The following DDX42 variants were observed in gnomAD, a reference collection of about 807,000 sequenced individuals.
DDX42 encodes DEAD-box helicase 42, also known as ATP-dependent RNA helicase DDX42.
In DDX42, 22 loss-of-function variants were observed where a neutral mutation model predicts 101.5. That is an observed-to-expected ratio of 0.22 (90% CI 0.15 to 0.31). DDX42 has a LOEUF of 0.31. Among genes scored for constraint, DDX42 ranks in the 10% least tolerant of loss-of-function variants. The pLI is 1.00. For synonymous variants in DDX42, 402 were observed against 401.2 expected, an observed-to-expected ratio of 1.00 and a Z score of -0.02; for missense variants, 849 against 1,199.9, an observed-to-expected ratio of 0.71 and a Z score of 4.32.
At chr17:63,804,234 C>G (rs1040246994) in intron 6 of DDX42, among the ~76,000 whole-genome samples, 4 of 151,180 alleles carry the variant, frequency 2.6e-5, no homozygotes, top group African/African-American at 7.3e-5. Flanking sequence ...CACTTGAGCC[C>G]AGGAGTTTGA....
chr17:63,787,143 C>T lies in DDX42; in HGVS notation c.94C>T (p.Pro32Ser), dbSNP rs562648904. The T allele has an allele frequency of 6.2e-7, 1 of 1,614,170 alleles. No individual in the cohort carries two copies. Among genetic ancestry groups the T allele is most frequent in the Non-Finnish European group, 8.5e-7 (1 of 1,180,044 alleles). ...SAGKKEEPKL[P>S]QQSHSAFGAT... ...TGGGAAAAAGGAGGAACCCAAACTC[C>T]CACAGCAGTCCCACAGTGCCTTTGG... Residue 32 changes from proline to serine, a missense_variant, in exon 2 of 18, where the codon CCA becomes TCA. This residue lies in a region of DDX42 where 92 missense variants were observed against 106.7 expected (regional missense o/e 0.86). Coordinates refer to ENST00000389924, the MANE Select transcript of DDX42 (RefSeq NM_203499.3).
At chr17:63,809,131 G>A (rs1246737943) in intron 10 of DDX42, among the ~76,000 whole-genome samples, 183 bp downstream of exon 10, 1 of 152,180 alleles carries the variant, frequency 6.6e-6, no homozygotes, top group Non-Finnish European at 1.5e-5. Context: ...GAGTCTCTGT[G>A]ACATATAGGC....
At chr17:63,776,037 T>A (rs1421567892) in intron 1 of DDX42, 1 of 152,224 alleles carries the variant, frequency 6.6e-6, no homozygotes, top group Non-Finnish European at 1.5e-5. Context: ...ATCAAAGAAC[T>A]GACCTGTATA....
chr17:63,807,204 G>A (rs1417708071), intron 8 of DDX42, among the ~76,000 whole-genome samples: 2 of 152,118 alleles, frequency 1.3e-5, no homozygotes, highest in Admixed American at 6.5e-5. Context: ...GCAGTGGCGC[G>A]ATCTTGGCTC....
chr17:63,801,710 C>G (rs1402269957), intron 6 of DDX42, among the ~76,000 whole-genome samples: 1 of 152,074 alleles, frequency 6.6e-6, no homozygotes, highest in Non-Finnish European at 1.5e-5. Flanking sequence ...CCACCTTGGT[C>G]TCCCAAAGTG....
chr17:63,798,654 T>C (rs2039723054), intron 4 of DDX42, among the ~76,000 whole-genome samples: 1 of 152,140 alleles, frequency 6.6e-6, no homozygotes, highest in African/African-American at 2.4e-5. Flanking sequence ...AGCTCCAGAG[T>C]GACATTGTGC....
rs755029464 is a variant in DDX42 at position 63,799,645 on chromosome 17, TTCTA to T, written c.471+24_471+27del. Reference sequence around the variant, plus strand: ...GACCAAGTGAGTTCCTATGCAGTATTTCTATCTTTTATTTTTATCCACAAAGTCT... The same window carrying T: ...GACCAAGTGAGTTCCTATGCAGTATTTCTTTTATTTTTATCCACAAAGTCT... On this transcript the variant is annotated intron_variant, in intron 5 of 17. Coordinates refer to ENST00000389924, the MANE Select transcript of DDX42 (RefSeq NM_203499.3). 7 of 1,609,328 alleles carry T rather than the reference TTCTA, an allele frequency of 4.3e-6. No homozygotes were observed. Among genetic ancestry groups the T allele is most frequent in the South Asian group, 1.1e-5 (1 of 90,494 alleles).
chr17:63,779,090 A>T (rs1189250314), intron 1 of DDX42, among the ~76,000 whole-genome samples: 1 of 152,208 alleles, frequency 6.6e-6, no homozygotes, highest in Admixed American at 6.5e-5. Flanking sequence ...ACAAATACTC[A>T]TTAAACTTTG....
chr17:63,792,000 T>C (rs1345324165), intron 2 of DDX42, among the ~76,000 whole-genome samples: 1 of 151,404 alleles, frequency 6.6e-6, no homozygotes, highest in Non-Finnish European at 1.5e-5. Flanking sequence ...GGAGCCCAGA[T>C]TGTGCCACTG....
chr17:63,811,847 C>G (rs770510769), intron 13 of DDX42, 85 bp from the exon 14 acceptor site: 3 of 1,484,126 alleles, frequency 2.0e-6, no homozygotes, highest in Non-Finnish European at 1.8e-6. Flanking sequence ...CTTCTCGATG[C>G]AGGTAGAAAT....
At position 63,809,535 on chromosome 17, in the gene DDX42, A is replaced by G. The variant is rs772080350; in HGVS notation, c.1153-25A>G. 5.7e-6 allele frequency: 9 copies of G among 1,590,732 alleles called. No individual in the cohort carries two copies. The Admixed American group carries it at 1.2e-4, about 21-fold the overall frequency. On this transcript the variant is annotated intron_variant, in intron 10 of 17. Coordinates refer to ENST00000389924, the MANE Select transcript of DDX42 (RefSeq NM_203499.3). ...CCTGTGAATGCCTTTAATTATACTT[A>G]CTGTTCATTTTGTTGATCTTATAGG...
At chr17:63,809,137 T>C (rs768225193) in intron 10 of DDX42, among the ~76,000 whole-genome samples, 189 bp downstream of exon 10, 1 of 152,204 alleles carries the variant, frequency 6.6e-6, no homozygotes, top group African/African-American at 2.4e-5. Context: ...CTGTGACATA[T>C]AGGCTAGTAG....
chr17:63,775,843 TTAATA>T (rs1285944667), intron 1 of DDX42, among the ~76,000 whole-genome samples: 2 of 152,322 alleles, frequency 1.3e-5, no homozygotes, highest in African/African-American at 4.8e-5. Flanking sequence ...TTGTAACAAT[TTAATA>T]TAAGAGAGGA....
chr17:63,783,745 G>A lies in DDX42; in HGVS notation c.-16-3289G>A, dbSNP rs147656158. On this transcript the variant is annotated intron_variant, in intron 1 of 17. Transcript: ENST00000389924. ...ATCTGGAGTTAAGGGTCTAAGTAGA[G>A]ATTGATGTAGTGTAATTCAAGTTTA... is the stretch of plus-strand genomic sequence containing the variant. Among the ~76,000 whole-genome samples the A allele has an allele frequency of 5.3e-3, 809 of 152,240 alleles. 5 individuals carry two copies. Among genetic ancestry groups the A allele is most frequent in the African/African-American group, 0.018 (738 of 41,546 alleles).
chr17:63,783,709 A>G (rs1479720825), intron 1 of DDX42, among the ~76,000 whole-genome samples: 2 of 152,144 alleles, frequency 1.3e-5, no homozygotes, highest in Non-Finnish European at 2.9e-5. Context: ...AAATGAGTAA[A>G]GACAGTTTCT....
At chr17:63,797,083 T>C (rs1249970806) in intron 3 of DDX42, among the ~76,000 whole-genome samples, 2 of 152,120 alleles carry the variant, frequency 1.3e-5, no homozygotes, top group African/African-American at 4.8e-5. Context: ...TGATCAGTGA[T>C]CATCAATTTG....
intron 1 of DDX42, 114 bp from the exon 2 acceptor site, chr17:63,786,920 C>T (rs2039554165): frequency 1.0e-6 from 1 of 998,886 alleles, no homozygotes; most frequent in African/African-American, 1.6e-5. Flanking sequence ...TCATGGTCCA[C>T]CTGCCTTGGC....
At chr17:63,796,772 C>T (rs2039698281) in intron 3 of DDX42, among the ~76,000 whole-genome samples, 1 of 152,182 alleles carries the variant, frequency 6.6e-6, no homozygotes, top group African/African-American at 2.4e-5. Flanking sequence ...TTGCTTATGT[C>T]ATCTTCAGTT....
chr17:63,806,521 G>A lies in DDX42; in HGVS notation c.727-14G>A. On this transcript the variant is annotated splice_polypyrimidine_tract_variant and intron_variant, in intron 7 of 17. Coordinates refer to ENST00000389924, the MANE Select transcript of DDX42 (RefSeq NM_203499.3). Reference sequence around the variant, plus strand: ...GAAGTACAAGTCATTCTGGGGAGTTGTCTCTATCTCTAGGTCTCTGGTGCT... The same window carrying A: ...GAAGTACAAGTCATTCTGGGGAGTTATCTCTATCTCTAGGTCTCTGGTGCT... 6.2e-7 allele frequency: 1 copy of A among 1,606,358 alleles called. No homozygotes were observed. Among genetic ancestry groups the A allele is most frequent in the Non-Finnish European group, 8.5e-7 (1 of 1,176,740 alleles).
Sources: allele counts gnomAD v4.1 joint callset (sites outside exome capture counted in the v4.1 genomes callset), GRCh38; gene constraint gnomAD v4.1.1; regional missense constraint gnomAD v4.1.1; transcripts MANE v1.5; gene names NCBI Gene and HGNC (gene_info 2026-07-23, HGNC 2026-07-21).